NCAPH: variants seen among roughly 807,000 people sequenced by gnomAD.
The protein encoded by NCAPH is non-SMC condensin I complex subunit H.
NCAPH carries 38 observed loss-of-function variants against 85.5 expected under a neutral mutation model. The observed-to-expected ratio is 0.44, with a 90% CI of 0.34 to 0.58. The LOEUF (loss-of-function observed/expected upper bound fraction) is 0.58. Among genes scored for constraint, NCAPH ranks in the 20% least tolerant of loss-of-function variants. The pLI, the probability that NCAPH is intolerant of heterozygous loss-of-function variation, is 0.01. For missense variants in NCAPH, 789 were observed against 916.6 expected, an observed-to-expected ratio of 0.86 and a Z score of 1.80; for synonymous variants, 301 against 335.1, an observed-to-expected ratio of 0.90 and a Z score of 1.11.
chr2:96,368,921 T>G (rs2064734744), intron 15 of NCAPH, 51 bp from the exon 16 acceptor site: 2 of 1,504,332 alleles, frequency 1.3e-6, no homozygotes, highest in Admixed American at 2.2e-5. Flanking sequence ...TGTTGCCCTT[T>G]CAAAAGTGCA....
At chr2:96,360,365 G>T in intron 11 of NCAPH, 116 bp downstream of exon 11, 1 of 815,594 alleles carries the variant, frequency 1.2e-6, no homozygotes, top group Non-Finnish European at 1.9e-6. Flanking sequence ...ATTCTTCCTT[G>T]TTCCTTAAAC....
At chr2:96,367,755 A>G (rs1302372297) in intron 15 of NCAPH, among the ~76,000 whole-genome samples, 1 of 152,254 alleles carries the variant, frequency 6.6e-6, no homozygotes, top group African/African-American at 2.4e-5. Context: ...TACAAATAGC[A>G]AACTAGTGTG....
rs560838311 is a variant in NCAPH at position 96,374,426 on chromosome 2, ATAT to A, written c.*1079_*1081del. ...TTAACTTTGCTTGCAATTTGGAACA[ATAT>A]TATAGATGTTGATCCAAGTAGTTCT... is the stretch of plus-strand genomic sequence containing the variant. On this transcript the variant is annotated 3_prime_UTR_variant, in exon 18 of 18. Transcript: ENST00000240423. Among the ~76,000 whole-genome samples, 58 of 152,276 alleles carry A rather than the reference ATAT, an allele frequency of 3.8e-4. No individual in the cohort carries two copies. The South Asian group carries it at 0.012, about 31-fold the overall frequency.
At position 96,374,867 on chromosome 2, in the gene NCAPH, T is replaced by C. The variant is rs1050889487; in HGVS notation, c.*1516T>C. On this transcript the variant is annotated 3_prime_UTR_variant, in exon 18 of 18. Transcript: ENST00000240423. ...ATTCCTTCCCTCAGTCAGCCCCACT[T>C]CTCTATAGTGGGTTCTGGGGGTGGG... 4.6e-5 allele frequency among the ~76,000 whole-genome samples: 7 copies of C among 151,986 alleles called. No individual in the cohort carries two copies. The highest frequency in any genetic ancestry group is 8.8e-5 in the Non-Finnish European group (6 of 68,002).
rs539652679 is a variant in NCAPH, at chr2:96,372,345, G to A, written c.2167-947G>A. On this transcript the variant is annotated intron_variant, in intron 17 of 17. Coordinates refer to ENST00000240423, the MANE Select transcript of NCAPH (RefSeq NM_015341.5). Reference sequence around the variant, plus strand: ...GGTGCGCGTGGATGGGGTTAATACAGTAGTCCCCTAGTTTCCATGGATGGG... The same window carrying A: ...GGTGCGCGTGGATGGGGTTAATACAATAGTCCCCTAGTTTCCATGGATGGG... Among the ~76,000 whole-genome samples the A allele has an allele frequency of 2.0e-5, 3 of 152,084 alleles. No homozygotes were observed. In the East Asian group the frequency reaches 5.8e-4, roughly 29 times the overall value.
At chr2:96,336,971 G>C (rs1296397453) in intron 1 of NCAPH, among the ~76,000 whole-genome samples, 1 of 152,194 alleles carries the variant, frequency 6.6e-6, no homozygotes, top group Non-Finnish European at 1.5e-5. Flanking sequence ...CAAGAGAAAG[G>C]CCAGAAAATG....
chr2:96,371,241 G>A (rs137910859), intron 17 of NCAPH, among the ~76,000 whole-genome samples: 1 of 152,184 alleles, frequency 6.6e-6, no homozygotes, highest in Non-Finnish European at 1.5e-5. Flanking sequence ...GGTGGAAATA[G>A]GTGCTGGTGA....
chr2:96,337,515 G>A (rs1249672101), intron 1 of NCAPH, among the ~76,000 whole-genome samples: 1 of 152,172 alleles, frequency 6.6e-6, no homozygotes, highest in Non-Finnish European at 1.5e-5. Context: ...CGCCTCCTGG[G>A]TTCACGCTAT....
At chr2:96,371,509 C>T (rs1190685533) in intron 17 of NCAPH, among the ~76,000 whole-genome samples, 1 of 152,198 alleles carries the variant, frequency 6.6e-6, no homozygotes, top group African/African-American at 2.4e-5. Flanking sequence ...TCTGCGGCTT[C>T]ACTGAGGTCG....
At chr2:96,357,239 T>C (rs957124981) in intron 9 of NCAPH, among the ~76,000 whole-genome samples, 1 of 152,138 alleles carries the variant, frequency 6.6e-6, no homozygotes, top group Non-Finnish European at 1.5e-5. Flanking sequence ...CATGGCTAAA[T>C]TGAAGGAGGG....
At chr2:96,353,977 C>T (rs760521961) in intron 8 of NCAPH, among the ~76,000 whole-genome samples, 1 of 152,196 alleles carries the variant, frequency 6.6e-6, no homozygotes, top group Non-Finnish European at 1.5e-5. Context: ...GCAGCTTCCT[C>T]CTGTGCTGCA....
rs1437977808 is a variant in NCAPH at position 96,375,880 on chromosome 2, TCAGTTTC to T, written c.*2531_*2537del. ...AAGAGAACTGCTGCTCCCTGTTAAA[TCAGTTTC>T]CTGGGGGTCGATATGAATATTTGCC... On this transcript the variant is annotated 3_prime_UTR_variant, in exon 18 of 18. Transcript: ENST00000240423. Among the ~76,000 whole-genome samples, 1 of 151,996 alleles carries T rather than the reference TCAGTTTC, an allele frequency of 6.6e-6. No homozygotes were observed. Among genetic ancestry groups the T allele is most frequent in the East Asian group, 1.9e-4 (1 of 5,176 alleles).
At chr2:96,360,859 C>A in intron 12 of NCAPH, 149 bp downstream of exon 12, 9 of 1,003,704 alleles carry the variant, frequency 9.0e-6, no homozygotes, top group Non-Finnish European at 1.2e-5. Context: ...ATAGATAAGG[C>A]AAAGAAAGCT....
intron 6 of NCAPH, among the ~76,000 whole-genome samples, chr2:96,348,938 C>T (rs189355397): frequency 4.6e-5 from 7 of 152,314 alleles, no homozygotes; most frequent in Middle Eastern, 3.4e-3. Context: ...CGCGAGCCAC[C>T]GCTCCTGGCC....
At chr2:96,341,227 A>T (rs967318552) in intron 1 of NCAPH, among the ~76,000 whole-genome samples, 1 of 152,186 alleles carries the variant, frequency 6.6e-6, no homozygotes, top group South Asian at 2.1e-4. Flanking sequence ...AGGAGCTGGA[A>T]TTAGAGCCCA....
rs917499859 is a variant in NCAPH, at chr2:96,362,054, T to C, written c.1587+1344T>C. ...CCGTTACACCTGGCCTCACATTCTG[T>C]TTTTATAAACTAACCAAGATATGTT... On this transcript the variant is annotated intron_variant, in intron 12 of 17. Transcript: ENST00000240423. Among the ~76,000 whole-genome samples the C allele has an allele frequency of 1.1e-4, 16 of 151,642 alleles. No homozygotes were observed. In the East Asian group the frequency reaches 1.7e-3, roughly 16 times the overall value.
In NCAPH at chr2:96,373,330, T is replaced by A; in HGVS notation, c.2205T>A (p.Val735=). The change falls in exon 18 of 18, where the codon GTT becomes GTA. Residue 735 remains valine, a synonymous_variant. Transcript: ENST00000240423. ...AAGGAACAGAGGACCTCTCTGATGT[T>A]CTTGTGAGGCAAGGAGATTGAGTTC... ...KLEGTEDLSD[V]LVRQGD is the part of the protein sequence containing the mutation. 1 of 1,614,012 alleles carries A rather than the reference T, an allele frequency of 6.2e-7. No individual in the cohort carries two copies. Among genetic ancestry groups the A allele is most frequent in the Non-Finnish European group, 8.5e-7 (1 of 1,179,944 alleles).
chr2:96,358,570 G>A (rs1046048791), intron 9 of NCAPH, among the ~76,000 whole-genome samples: 8 of 152,086 alleles, frequency 5.3e-5, no homozygotes, highest in Non-Finnish European at 1.2e-4. Context: ...CTGGGTTCAC[G>A]CCATTCTCCT....
intron 7 of NCAPH, among the ~76,000 whole-genome samples, 177 bp downstream of exon 7, chr2:96,352,197 G>T: frequency 6.6e-6 from 1 of 152,138 alleles, no homozygotes; most frequent in Non-Finnish European, 1.5e-5. Context: ...ACTAACTTTT[G>T]TCTTCTCTGC....
Sources: allele counts gnomAD v4.1 joint callset (sites outside exome capture counted in the v4.1 genomes callset), GRCh38; gene constraint gnomAD v4.1.1; transcripts MANE v1.5; gene names NCBI Gene and HGNC (gene_info 2026-07-23, HGNC 2026-07-21).